Variants in TTLL11 observed in about 807,000 individuals in gnomAD.
TTLL11 encodes tubulin polyglutamylase TTLL11.
In TTLL11, 42 loss-of-function variants were observed where a neutral mutation model predicts 51.7. That is an observed-to-expected ratio of 0.81 (90% CI 0.64 to 1.05). TTLL11 has a LOEUF of 1.05. TTLL11 is among the 50% of genes least tolerant of loss of function. The pLI is 0.00. For synonymous variants in TTLL11, 381 were observed against 383.5 expected, an observed-to-expected ratio of 0.99 and a Z score of 0.08; for missense variants, 799 against 940.4, an observed-to-expected ratio of 0.85 and a Z score of 1.97.
At chr9:122,084,439 G>A (rs1324948149) in intron 1 of TTLL11, among the ~76,000 whole-genome samples, 2 of 152,128 alleles carry the variant, frequency 1.3e-5, no homozygotes, top group Non-Finnish European at 2.9e-5. Flanking sequence ...GAGGAGGAAG[G>A]AGAGATGCAA....
At chr9:121,844,858 T>A (rs1244173994) in intron 8 of TTLL11, among the ~76,000 whole-genome samples, 1 of 151,282 alleles carries the variant, frequency 6.6e-6, no homozygotes, top group Non-Finnish European at 1.5e-5. Context: ...AAAAGGAGAC[T>A]ATCCAGGAAC....
intron 1 of TTLL11, among the ~76,000 whole-genome samples, chr9:122,090,795 C>T (rs982278250): frequency 2.0e-5 from 3 of 151,666 alleles, no homozygotes; most frequent in Admixed American, 6.6e-5. Context: ...TAATGCCTGG[C>T]GAAGTTTAGT....
intron 8 of TTLL11, among the ~76,000 whole-genome samples, chr9:121,837,941 C>T (rs1837226628): frequency 6.6e-6 from 1 of 152,178 alleles, no homozygotes; most frequent in Admixed American, 6.5e-5. Flanking sequence ...TCTCCTGCTT[C>T]TTGCTCTCTC....
chr9:121,864,549 T>C (rs1328037742), intron 7 of TTLL11, among the ~76,000 whole-genome samples: 1 of 152,168 alleles, frequency 6.6e-6, no homozygotes, highest in Non-Finnish European at 1.5e-5. Context: ...GCTCTCTGCG[T>C]CTACATTAGG....
At chr9:121,870,845 T>G (rs1176213064) in intron 6 of TTLL11, 97 bp from the exon 7 acceptor site, 3 of 1,345,316 alleles carry the variant, frequency 2.2e-6, no homozygotes. Context: ...ATTACCAGCA[T>G]TTTTTATTTT....
In TTLL11 at chr9:121,898,689, C is replaced by T. The variant is rs545405641; in HGVS notation, c.1482-27941G>A. Among the ~76,000 whole-genome samples, 66 of 152,358 alleles carry T rather than the reference C, an allele frequency of 4.3e-4. 1 individual carries two copies. The South Asian group carries it at 0.011, about 25-fold the overall frequency. ...TGGCACTTAATGGGAGCAGGTCATTCTGGCCATCTCCATCAGTGCAGCAGC... is the reference window on the plus strand; with the variant it reads ...TGGCACTTAATGGGAGCAGGTCATTTTGGCCATCTCCATCAGTGCAGCAGC... On this transcript the variant is annotated intron_variant, in intron 6 of 8. Transcript: ENST00000321582.
chr9:122,040,514 C>T (rs1844820694), intron 1 of TTLL11: 1 of 665,218 alleles, frequency 1.5e-6, no homozygotes, highest in African/African-American at 2.0e-5. Flanking sequence ...CATGTTAGTT[C>T]ATATTCAGAA....
At position 121,853,519 on chromosome 9, in the gene TTLL11, T is replaced by C. The variant is rs768980481; in HGVS notation, c.1840+6818A>G. On this transcript the variant is annotated intron_variant, in intron 8 of 8. Transcript: ENST00000321582. The surrounding 1 kb of genome is among the most constrained non-coding windows in gnomAD (Gnocchi z 5.6). ...CTGGCTGGAGTGAGTGTGAGGCTAG[T>C]GATGAGTGGGGATGCAGAGTGGACA... Among the ~76,000 whole-genome samples the C allele has an allele frequency of 1.3e-5, 2 of 151,506 alleles. No individual in the cohort carries two copies. Among genetic ancestry groups the C allele is most frequent in the Admixed American group, 6.6e-5 (1 of 15,236 alleles).
intron 3 of TTLL11, among the ~76,000 whole-genome samples, chr9:122,024,576 G>C (rs1404749367): frequency 2.6e-5 from 4 of 152,180 alleles, no homozygotes; most frequent in Admixed American, 6.5e-5. Flanking sequence ...GGCAGAAAGA[G>C]AGACAAATAG....
chr9:121,986,623 C>T (rs1018068797), intron 4 of TTLL11, among the ~76,000 whole-genome samples: 1 of 152,102 alleles, frequency 6.6e-6, no homozygotes, highest in Non-Finnish European at 1.5e-5. Context: ...TTCTGGGTGG[C>T]AATTACCCCT....
intron 6 of TTLL11, among the ~76,000 whole-genome samples, chr9:121,878,485 C>T (rs539839992): frequency 5.3e-5 from 8 of 152,180 alleles, no homozygotes; most frequent in Middle Eastern, 3.2e-3. Context: ...CAGACTAGGT[C>T]TCTCCCTGCC....
At chr9:121,922,059 G>C (rs1372487572) in intron 6 of TTLL11, among the ~76,000 whole-genome samples, 1 of 151,936 alleles carries the variant, frequency 6.6e-6, no homozygotes, top group African/African-American at 2.4e-5. Context: ...CTAACTGCCA[G>C]CTGCTGCTGC....
At chr9:121,951,079 C>T (rs947892255) in intron 6 of TTLL11, among the ~76,000 whole-genome samples, 2 of 152,150 alleles carry the variant, frequency 1.3e-5, no homozygotes, top group Admixed American at 6.6e-5. Context: ...AGCCTGATGG[C>T]GGAACATCAG....
chr9:121,825,076 A>C (rs1836708245), intron 8 of TTLL11, among the ~76,000 whole-genome samples: 1 of 152,194 alleles, frequency 6.6e-6, no homozygotes, highest in Non-Finnish European at 1.5e-5. Flanking sequence ...GGTTACTTTT[A>C]ATGTAAACAG....
intron 4 of TTLL11, among the ~76,000 whole-genome samples, chr9:121,980,942 T>C (rs1200929871): frequency 6.6e-6 from 1 of 152,262 alleles, no homozygotes; most frequent in East Asian, 1.9e-4. Context: ...GAACATAGTG[T>C]ATCTTTTCTT....
rs1836594967 is a variant in TTLL11, at chr9:121,822,122, C to T, written c.*465G>A. ...AGATGCCTACTTGATATTTCCACTT[C>T]CTTCTCTCGGAACGGGCGGCAGGAA... On this transcript the variant is annotated 3_prime_UTR_variant, in exon 9 of 9. Transcript: ENST00000321582. This position sits in a 1 kb window ranked among gnomAD's most constrained non-coding sequence, Gnocchi z 5.8. 1 of 152,544 alleles carries T rather than the reference C, an allele frequency of 6.6e-6. No homozygotes were observed. The highest frequency in any genetic ancestry group is 2.4e-5 in the African/African-American group (1 of 41,406). 9.4% of individuals were successfully genotyped at this position (152,544 alleles called of 1,614,324 possible).
chr9:121,906,450 C>T (rs1438620789), intron 6 of TTLL11, among the ~76,000 whole-genome samples: 4 of 152,274 alleles, frequency 2.6e-5, no homozygotes, highest in Middle Eastern at 3.4e-3. Context: ...CCTCATTTAA[C>T]ACTTGTCTTT....
chr9:121,826,336 A>C (rs1395374067), intron 8 of TTLL11, among the ~76,000 whole-genome samples: 67 of 123,754 alleles, frequency 5.4e-4, no homozygotes, highest in African/African-American at 1.9e-3. Flanking sequence ...ATGGGTTTAT[A>C]TATATGGGTT....
intron 6 of TTLL11, among the ~76,000 whole-genome samples, chr9:121,891,381 C>A (rs1210957535): frequency 6.6e-6 from 1 of 152,336 alleles, no homozygotes. Context: ...GTGCCTGGCA[C>A]AGGGCAGGCA....
Sources: allele counts gnomAD v4.1 joint callset (sites outside exome capture counted in the v4.1 genomes callset), GRCh38; gene constraint gnomAD v4.1.1; non-coding constraint Gnocchi (gnomAD v3.1); transcripts MANE v1.5; gene names NCBI Gene and HGNC (gene_info 2026-07-23, HGNC 2026-07-21).